The following PDE4D variants were observed in gnomAD, a reference collection of about 807,000 sequenced individuals.
PDE4D encodes 3',5'-cyclic-AMP phosphodiesterase 4D.
In PDE4D, 24 loss-of-function variants were observed where a neutral mutation model predicts 87.4. The observed-to-expected ratio is 0.27, with a 90% CI of 0.20 to 0.39. The LOEUF (loss-of-function observed/expected upper bound fraction) is 0.39. Among genes scored for constraint, PDE4D ranks in the 10% least tolerant of loss-of-function variants. The pLI, the probability that PDE4D is intolerant of heterozygous loss-of-function variation, is 1.00. For missense variants in PDE4D, 714 were observed against 1,041.0 expected (o/e 0.69, Z 4.32); for synonymous variants, 384 against 383.2 (o/e 1.00, Z -0.02).
At chr5:59,421,571 T>C (rs1017942084) in intron 1 of PDE4D, among the ~76,000 whole-genome samples, 2 of 152,152 alleles carry the variant, frequency 1.3e-5, no homozygotes, top group Admixed American at 6.5e-5. Flanking sequence ...GTTTCTAGTT[T>C]AGATAACTCT....
intron 1 of PDE4D, among the ~76,000 whole-genome samples, chr5:59,360,163 T>A (rs1303693378): frequency 6.6e-6 from 1 of 152,086 alleles, no homozygotes; most frequent in African/African-American, 2.4e-5. Flanking sequence ...AAAATGAAAC[T>A]CCCAAATTTG....
intron 2 of PDE4D, among the ~76,000 whole-genome samples, chr5:60,068,241 T>C (rs373262435): frequency 6.6e-6 from 1 of 152,200 alleles, no homozygotes; most frequent in Admixed American, 6.5e-5. Context: ...ATTTTCTGTT[T>C]TTTTTAACAG....
intron 2 of PDE4D, among the ~76,000 whole-genome samples, chr5:60,017,474 T>G (rs184951945): frequency 6.6e-6 from 1 of 152,160 alleles, no homozygotes; most frequent in African/African-American, 2.4e-5. Flanking sequence ...TGGGCCCCAG[T>G]GTGTGTTGTT....
chr5:59,063,398 A>T lies in PDE4D; in HGVS notation c.809-24427T>A, dbSNP rs568095570. 9 of 152,314 alleles carry T rather than the reference A, an allele frequency of 5.9e-5. No individual in the cohort carries two copies. In the East Asian group the frequency reaches 1.7e-3, roughly 29 times the overall value. The allele number at this position is 152,314 out of a possible 1,614,324, so 9.4% of individuals were successfully genotyped here. On this transcript the variant is annotated intron_variant, in intron 5 of 14. Coordinates refer to ENST00000340635, the MANE Select transcript of PDE4D (RefSeq NM_001104631.2). ...TTTCACTTTTATTGGCCAATGTACTAACAAATCACTTGCATTTGCAGCATA... is the reference window on the plus strand; with the variant it reads ...TTTCACTTTTATTGGCCAATGTACTTACAAATCACTTGCATTTGCAGCATA...
At chr5:59,143,419 T>G (rs1319818180) in intron 5 of PDE4D, among the ~76,000 whole-genome samples, 1 of 152,168 alleles carries the variant, frequency 6.6e-6, no homozygotes, top group Non-Finnish European at 1.5e-5. Flanking sequence ...ATATATCAAT[T>G]TAATATAGGG....
At chr5:58,999,426 C>A in intron 6 of PDE4D, 2 of 835,212 alleles carry the variant, frequency 2.4e-6, no homozygotes, top group South Asian at 1.6e-5. Flanking sequence ...ACAGTAGAGT[C>A]TAAGCTTTCT....
chr5:59,714,229 A>G (rs557001878), intron 1 of PDE4D, among the ~76,000 whole-genome samples: 5 of 152,230 alleles, frequency 3.3e-5, no homozygotes, highest in Non-Finnish European at 7.3e-5. Context: ...AAGCAGCCCA[A>G]TGAAGTACTC....
At chr5:59,924,027 C>A (rs1291335626) in intron 3 of PDE4D, among the ~76,000 whole-genome samples, 1 of 152,104 alleles carries the variant, frequency 6.6e-6, no homozygotes, top group Non-Finnish European at 1.5e-5. Flanking sequence ...ATAAATTTAA[C>A]AAATAGATTG....
At chr5:59,455,785 T>C (rs916617369) in intron 1 of PDE4D, among the ~76,000 whole-genome samples, 2 of 152,190 alleles carry the variant, frequency 1.3e-5, no homozygotes, top group African/African-American at 4.8e-5. Context: ...CCCAAGACCA[T>C]GGGAACCCAC....
At chr5:59,984,631 T>G (rs542514774) in intron 3 of PDE4D, among the ~76,000 whole-genome samples, 1 of 152,276 alleles carries the variant, frequency 6.6e-6, no homozygotes, top group South Asian at 2.1e-4. Context: ...TAAAAGTCCT[T>G]TTGAACTCAG....
chr5:59,219,159 C>T (rs1005787597), intron 1 of PDE4D, among the ~76,000 whole-genome samples: 2 of 144,492 alleles, frequency 1.4e-5, no homozygotes, highest in Non-Finnish European at 3.0e-5. Context: ...CTAACCTGCA[C>T]AATGTGCACA....
intron 5 of PDE4D, among the ~76,000 whole-genome samples, chr5:59,067,053 C>T (rs1038667869): frequency 5.3e-5 from 8 of 151,076 alleles, no homozygotes; most frequent in Non-Finnish European, 8.9e-5. Flanking sequence ...TTTGCTCTGT[C>T]ACTCGGGCTG....
intron 2 of PDE4D, among the ~76,000 whole-genome samples, chr5:59,194,170 G>A (rs760080521): frequency 2.6e-5 from 4 of 152,218 alleles, no homozygotes; most frequent in Admixed American, 6.5e-5. Flanking sequence ...GTGTCAGCAT[G>A]ACGTGTCTTG....
rs57407769 is a variant in PDE4D, at chr5:59,751,574, G to GGTGTGTGTGTGTGTGTGTGTGT, written c.455+141572_455+141593dup. On this transcript the variant is annotated intron_variant, in intron 1 of 14. Coordinates refer to ENST00000340635, the MANE Select transcript of PDE4D (RefSeq NM_001104631.2). ...GTTTCTTTTATACATATAAATCCCTGGTGTGTGTGTGTGTGTGTGTGTGTG... is the reference window on the plus strand; with the variant it reads ...GTTTCTTTTATACATATAAATCCCTGGTGTGTGTGTGTGTGTGTGTGTGTGTGTGTGTGTGTGTGTGTGTGTG... Among the ~76,000 whole-genome samples the GGTGTGTGTGTGTGTGTGTGTGT allele has an allele frequency of 1.9e-3, 268 of 142,710 alleles. 4 individuals carry two copies. Among genetic ancestry groups the GGTGTGTGTGTGTGTGTGTGTGT allele is most frequent in the African/African-American group, 6.6e-3 (248 of 37,808 alleles). 93.6% of individuals were successfully genotyped at this position (142,710 alleles called of 152,430 possible). A position where few individuals can be genotyped will look rare whatever the true frequency, so the allele number is the denominator to read the frequency against.
chr5:60,034,740 G>C (rs73759012), intron 2 of PDE4D, among the ~76,000 whole-genome samples: 2 of 152,090 alleles, frequency 1.3e-5, no homozygotes, highest in East Asian at 3.8e-4. Flanking sequence ...CATGTTATTC[G>C]TTACACTAGG....
At chr5:60,143,124 C>T (rs1478400431) in intron 2 of PDE4D, among the ~76,000 whole-genome samples, 1 of 152,174 alleles carries the variant, frequency 6.6e-6, no homozygotes, top group Non-Finnish European at 1.5e-5. Flanking sequence ...ACCCTTTTCT[C>T]TTCTACTCTA....
At chr5:60,076,737 G>C (rs982366942) in intron 2 of PDE4D, among the ~76,000 whole-genome samples, 1 of 152,196 alleles carries the variant, frequency 6.6e-6, no homozygotes, top group Non-Finnish European at 1.5e-5. Context: ...ACAACACTCT[G>C]ATGGGTAGTG....
At chr5:59,212,969 T>C (rs1294033185) in intron 2 of PDE4D, among the ~76,000 whole-genome samples, 1 of 151,768 alleles carries the variant, frequency 6.6e-6, no homozygotes, top group East Asian at 2.0e-4. Context: ...CTCCTCTGGC[T>C]ATTGATGGCT....
rs1013102999 is a variant in PDE4D at position 59,923,206 on chromosome 5, T to C, written c.272+65282A>G. On this transcript the variant is annotated intron_variant, in intron 3 of 16. Transcript: ENST00000502484. The stretch of plus-strand genomic sequence containing the variant: ...CAGTCACGTAAAATAGAACACCAGG[T>C]AGCTTCTTAAGATTTCTCACTTCAG... Among the ~76,000 whole-genome samples, 4 of 152,242 alleles carry C rather than the reference T, an allele frequency of 2.6e-5. No individual in the cohort carries two copies. In the South Asian group the frequency reaches 6.2e-4, roughly 24 times the overall value.
Sources: gnomAD v4.1 joint callset for allele counts (sites outside exome capture counted in the v4.1 genomes callset) on GRCh38, gnomAD v4.1.1 for gene constraint, MANE v1.5 for transcripts, NCBI Gene and HGNC (gene_info 2026-07-23, HGNC 2026-07-21) for gene names.